Variants in STK31 observed in about 807,000 individuals in gnomAD.
The protein encoded by STK31 is serine/threonine kinase 31.
A neutral mutation model predicts 129.7 loss-of-function variants in STK31; 89 were observed. That is an observed-to-expected ratio of 0.69 (90% CI 0.58 to 0.82). The LOEUF is 0.82. Ranked by LOEUF, STK31 falls within the 40% of genes least tolerant of loss-of-function variation. The pLI is 0.00. For missense variants in STK31, 1,187 were observed against 1,176.4 expected (o/e 1.01, Z -0.13); for synonymous variants, 448 against 395.3 (o/e 1.13, Z -1.58).
At position 23,712,323 on chromosome 7, in the gene STK31, C is replaced by T. The variant is rs142460819; in HGVS notation, c.150+37C>T. On this transcript the variant is annotated intron_variant, in intron 3 of 23. Transcript: ENST00000355870. ...ACTGGTTGATATCCCCCCTCACCTCCCCCAATCCAGTTCCTCCCCAACAAA... is the reference window on the plus strand; with the variant it reads ...ACTGGTTGATATCCCCCCTCACCTCTCCCAATCCAGTTCCTCCCCAACAAA... 2,826 of 1,603,790 alleles carry T rather than the reference C, an allele frequency of 1.8e-3. 29 individuals carry two copies. Among genetic ancestry groups the T allele is most frequent in the East Asian group, 0.013 (575 of 44,794 alleles).
chr7:23,755,091 G>A (rs1372644960), intron 10 of STK31: 2 of 152,180 alleles, frequency 1.3e-5, no homozygotes, highest in African/African-American at 4.8e-5. Flanking sequence ...TTCCACAATG[G>A]TTGAACTAAT....
intron 13 of STK31, among the ~76,000 whole-genome samples, chr7:23,770,497 A>G (rs945160045): frequency 6.6e-6 from 1 of 152,180 alleles, no homozygotes; most frequent in African/African-American, 2.4e-5. Flanking sequence ...TTGAAGGTCT[A>G]TATATTGTTT....
intron 4 of STK31, among the ~76,000 whole-genome samples, chr7:23,723,399 C>T (rs1288544295): frequency 6.6e-6 from 1 of 152,070 alleles, no homozygotes; most frequent in Non-Finnish European, 1.5e-5. Flanking sequence ...CCAACTCATT[C>T]CTCAATTTTT....
chr7:23,826,733 G>T (rs1794177154), intron 23 of STK31, among the ~76,000 whole-genome samples: 1 of 152,102 alleles, frequency 6.6e-6, no homozygotes, highest in Non-Finnish European at 1.5e-5. Flanking sequence ...GCAGTGGCTG[G>T]TACCTGTTGT....
chr7:23,779,888 T>A (rs1027880421), intron 15 of STK31, among the ~76,000 whole-genome samples: 5 of 152,088 alleles, frequency 3.3e-5, no homozygotes, highest in African/African-American at 9.7e-5. Flanking sequence ...GGGGTATGAA[T>A]AAATATTCCA....
At chr7:23,751,623 C>T (rs940197835) in intron 8 of STK31, among the ~76,000 whole-genome samples, 1 of 152,160 alleles carries the variant, frequency 6.6e-6, no homozygotes, top group Non-Finnish European at 1.5e-5. Context: ...GATTCTTTCT[C>T]TACTTATTCA....
At chr7:23,819,162 A>AT (rs909014431) in intron 23 of STK31, among the ~76,000 whole-genome samples, 1 of 152,004 alleles carries the variant, frequency 6.6e-6, no homozygotes, top group African/African-American at 2.4e-5. Flanking sequence ...AGCATGTGTT[A>AT]TTTTTTCTCA....
chr7:23,717,097 C>CTTTTTT lies in STK31; in HGVS notation c.151-361_151-356dup, dbSNP rs70956911. On this transcript the variant is annotated intron_variant, in intron 3 of 23. Coordinates refer to ENST00000355870, the MANE Select transcript of STK31 (RefSeq NM_031414.5). ...TACAGGTGTGAGCCATCGCAACCTGCTTTTTTTTTTTTTTTTTTTTTTTTT... is the reference window on the plus strand; with the variant it reads ...TACAGGTGTGAGCCATCGCAACCTGCTTTTTTTTTTTTTTTTTTTTTTTTTTTTTTT... Among the ~76,000 whole-genome samples, 62 of 42,932 alleles carry CTTTTTT rather than the reference C, an allele frequency of 1.4e-3. 8 individuals are homozygous for CTTTTTT. The highest frequency in any genetic ancestry group is 4.2e-3 in the African/African-American group (41 of 9,714). The allele number at this position is 42,932 out of a possible 152,430, so 28.2% of individuals were successfully genotyped here.
At chr7:23,731,985 G>C (rs964362452) in intron 6 of STK31, among the ~76,000 whole-genome samples, 2 of 152,156 alleles carry the variant, frequency 1.3e-5, no homozygotes, top group Non-Finnish European at 2.9e-5. Context: ...AAAGCCTTAT[G>C]TTCTAAACCA....
intron 22 of STK31, among the ~76,000 whole-genome samples, chr7:23,808,970 T>TGTGTGTGTGTGCGC (rs60631283): frequency 5.9e-4 from 83 of 139,656 alleles, no homozygotes; most frequent in East Asian, 5.1e-3. Context: ...TGTGTGTGTG[T>TGTGTGTGTGTGCGC]GCCTGTGTCT....
In STK31 at chr7:23,762,788, T is replaced by C. The variant is rs750667695; in HGVS notation, c.1294-13T>C. 6.2e-7 allele frequency: 1 copy of C among 1,607,992 alleles called. No homozygotes were observed. The highest frequency in any genetic ancestry group is 1.1e-5 in the South Asian group (1 of 88,950). On this transcript the variant is annotated splice_polypyrimidine_tract_variant and intron_variant, in intron 10 of 23. Transcript: ENST00000355870. ...ATGTATTAATGATGGTTATTCTTTT[T>C]TTCTTCCTCCAGAGTGAAGGGAATA...
At chr7:23,756,124 A>G (rs1252473752) in intron 10 of STK31, among the ~76,000 whole-genome samples, 1 of 152,208 alleles carries the variant, frequency 6.6e-6, no homozygotes. Context: ...CTTCCTATCC[A>G]TGAGGATGGA....
chr7:23,832,245 T>C lies in STK31; in HGVS notation c.2939T>C (p.Val980Ala). The C allele has an allele frequency of 6.2e-7, 1 of 1,614,004 alleles. No individual in the cohort carries two copies. The highest frequency in any genetic ancestry group is 2.2e-5 in the East Asian group (1 of 44,850). The change falls in exon 24 of 24, where the codon GTT becomes GCT. Residue 980 changes from valine (V) to alanine (A), a missense_variant. Around this residue, in one of 5 missense-constraint regions of STK31, gnomAD observed 975 missense variants for 934.9 expected, o/e 1.04. Coordinates refer to ENST00000355870, the MANE Select transcript of STK31 (RefSeq NM_031414.5). ...TTCTTGATGCCAAAGGAGCAATCAG[T>C]TCCAAACCCAGAAAAAGATACTGAA... is the stretch of plus-strand genomic sequence containing the variant. ...ECFLMPKEQS[V>A]PNPEKDTEYT...
chr7:23,829,356 A>G (rs1794405215), intron 23 of STK31, among the ~76,000 whole-genome samples: 1 of 152,134 alleles, frequency 6.6e-6, no homozygotes, highest in South Asian at 2.1e-4. Flanking sequence ...TCTATGAAAT[A>G]CTTTTTCTGT....
intron 18 of STK31, 88 bp from the exon 19 acceptor site, chr7:23,786,415 TTAAAA>T: frequency 1.6e-6 from 2 of 1,255,738 alleles, no homozygotes; most frequent in Non-Finnish European, 2.1e-6. Context: ...TTGATTTAAC[TTAAAA>T]TAATGAATTA....
At chr7:23,737,838 C>T (rs943302122) in intron 8 of STK31, among the ~76,000 whole-genome samples, 1 of 150,602 alleles carries the variant, frequency 6.6e-6, no homozygotes, top group African/African-American at 2.4e-5. Flanking sequence ...TTTTCCCCCC[C>T]AGGGATACAG....
At chr7:23,816,180 T>C (rs1230914311) in intron 23 of STK31, among the ~76,000 whole-genome samples, 3 of 152,166 alleles carry the variant, frequency 2.0e-5, no homozygotes, top group Admixed American at 6.5e-5. Flanking sequence ...AAACTTTGTG[T>C]TACACTTCCT....
chr7:23,791,523 A>C (rs1489652945), intron 22 of STK31, among the ~76,000 whole-genome samples: 3 of 152,158 alleles, frequency 2.0e-5, no homozygotes, highest in Admixed American at 1.3e-4. Context: ...TATTAGGCTG[A>C]TTACCTGGGT....
At chr7:23,794,721 A>G (rs915534805) in intron 22 of STK31, among the ~76,000 whole-genome samples, 2 of 152,170 alleles carry the variant, frequency 1.3e-5, no homozygotes, top group African/African-American at 4.8e-5. Flanking sequence ...ACTTGTTGGA[A>G]CTAGAATAAA....
Sources: allele counts gnomAD v4.1 joint callset (sites outside exome capture counted in the v4.1 genomes callset), GRCh38; gene constraint gnomAD v4.1.1; regional missense constraint gnomAD v4.1.1; transcripts MANE v1.5; gene names NCBI Gene and HGNC (gene_info 2026-07-23, HGNC 2026-07-21).